Variants in PDS5B observed in about 807,000 individuals in gnomAD.
The protein encoded by PDS5B is PDS5 cohesin associated factor B.
In PDS5B, 51 loss-of-function variants were observed where a neutral mutation model predicts 184.1. The observed-to-expected ratio is 0.28, with a 90% CI of 0.22 to 0.35. The LOEUF is 0.35. Ranked by LOEUF, PDS5B falls within the 10% of genes least tolerant of loss-of-function variation. The probability of loss-of-function intolerance (pLI) is 1.00; values close to 1 mark genes in which losing one functional copy is unlikely to be tolerated. For missense variants in PDS5B, 1,180 were observed against 1,723.3 expected (o/e 0.68, Z 5.58); for synonymous variants, 566 against 569.2 (o/e 0.99, Z 0.08).
At chr13:32,617,036 C>T (rs1397958139) in intron 1 of PDS5B, among the ~76,000 whole-genome samples, 3 of 152,046 alleles carry the variant, frequency 2.0e-5, no homozygotes, top group Admixed American at 6.6e-5. Flanking sequence ...ACAGTCTTTG[C>T]GTAGAGAACT....
intron 18 of PDS5B, among the ~76,000 whole-genome samples, chr13:32,709,593 G>T (rs369384930): frequency 6.6e-6 from 1 of 152,068 alleles, no homozygotes. Context: ...TTATTGAGAA[G>T]ATGAGAGATG....
intron 1 of PDS5B, among the ~76,000 whole-genome samples, chr13:32,648,129 C>T (rs771635917): frequency 1.3e-5 from 2 of 152,198 alleles, no homozygotes; most frequent in Non-Finnish European, 2.9e-5. Flanking sequence ...GCAGCCTTCT[C>T]AGCGGTTCCC....
intron 8 of PDS5B, 145 bp downstream of exon 8, chr13:32,673,501 G>T (rs998417712): frequency 2.9e-6 from 2 of 681,126 alleles, no homozygotes; most frequent in East Asian, 2.9e-5. Context: ...TATTTGTGCC[G>T]TGTCTGTTTG....
chr13:32,628,280 G>A (rs528298962), intron 1 of PDS5B, among the ~76,000 whole-genome samples: 3 of 152,158 alleles, frequency 2.0e-5, no homozygotes, highest in East Asian at 3.9e-4. Flanking sequence ...TTTTGGGCTA[G>A]GTGTGGTGAC....
At chr13:32,735,132 T>A in intron 20 of PDS5B, 40 bp from the exon 21 acceptor site, 2 of 1,267,554 alleles carry the variant, frequency 1.6e-6, no homozygotes, top group Non-Finnish European at 2.2e-6. Context: ...TATTTGTATA[T>A]GTGTAGAGTT....
intron 1 of PDS5B, among the ~76,000 whole-genome samples, chr13:32,630,630 A>G (rs369648421): frequency 1.3e-5 from 2 of 152,308 alleles, no homozygotes; most frequent in African/African-American, 4.8e-5. Context: ...GGTAGTAGAT[A>G]GTGCAAGGTT....
chr13:32,596,962 G>C (rs886192084), intron 1 of PDS5B, among the ~76,000 whole-genome samples: 1 of 151,930 alleles, frequency 6.6e-6, no homozygotes, highest in Non-Finnish European at 1.5e-5. Flanking sequence ...ACAGTATTTT[G>C]ATGAGTGGAA....
At chr13:32,615,600 C>T (rs1263444128) in intron 1 of PDS5B, among the ~76,000 whole-genome samples, 2 of 151,896 alleles carry the variant, frequency 1.3e-5, no homozygotes, top group Non-Finnish European at 2.9e-5. Flanking sequence ...AAGTCTGTAC[C>T]CTTTAGAGAC....
At chr13:32,676,872 A>G (rs1951078944) in intron 9 of PDS5B, among the ~76,000 whole-genome samples, 1 of 140,956 alleles carries the variant, frequency 7.1e-6, no homozygotes, top group Non-Finnish European at 1.5e-5. Context: ...TGGAGCTTGC[A>G]GTGAGCTGAG....
At chr13:32,683,006 C>G (rs1352136368) in intron 10 of PDS5B, among the ~76,000 whole-genome samples, 2 of 151,784 alleles carry the variant, frequency 1.3e-5, no homozygotes, top group East Asian at 1.9e-4. Context: ...TTATTTGTCC[C>G]TTTTAAAAAA....
chr13:32,609,324 T>TA, intron 1 of PDS5B, among the ~76,000 whole-genome samples: 1 of 152,324 alleles, frequency 6.6e-6, no homozygotes, highest in South Asian at 2.1e-4. Context: ...GAGAAAAGAA[T>TA]AAATTGGTTA....
intron 13 of PDS5B, 137 bp downstream of exon 13, chr13:32,688,706 T>A (rs750118409): frequency 1.5e-5 from 9 of 620,092 alleles, no homozygotes; most frequent in Non-Finnish European, 2.9e-6. Flanking sequence ...TATGTCGTAG[T>A]ACTTGGCTAT....
rs894581779 is a variant in PDS5B, at chr13:32,777,182, T to G, written c.*2130T>G. The stretch of plus-strand genomic sequence containing the variant: ...TTGTGAAGGATTTTTATTTGCATGA[T>G]TATAGTTAAGCAAATTTCATTTCAC... On this transcript the variant is annotated 3_prime_UTR_variant, in exon 35 of 35. Coordinates refer to ENST00000315596, the MANE Select transcript of PDS5B (RefSeq NM_015032.4). 1 of 152,020 alleles carries G rather than the reference T, an allele frequency of 6.6e-6. No individual in the cohort carries two copies. The highest frequency in any genetic ancestry group is 1.5e-5 in the Non-Finnish European group (1 of 67,880). The allele number at this position is 152,020 out of a possible 1,614,324, so 9.4% of individuals were successfully genotyped here.
At chr13:32,639,464 C>T (rs964857360) in intron 1 of PDS5B, among the ~76,000 whole-genome samples, 1 of 152,024 alleles carries the variant, frequency 6.6e-6, no homozygotes, top group African/African-American at 2.4e-5. Flanking sequence ...ATTCAAACTG[C>T]ATGGTAGATT....
chr13:32,615,903 T>C (rs2058211013), intron 1 of PDS5B, among the ~76,000 whole-genome samples: 1 of 152,162 alleles, frequency 6.6e-6, no homozygotes, highest in African/African-American at 2.4e-5. Context: ...CAGAGTAGAC[T>C]TTTGTTTTCA....
At chr13:32,774,923 A>G in intron 34 of PDS5B, 94 bp from the exon 35 acceptor site, 1 of 1,176,612 alleles carries the variant, frequency 8.5e-7, no homozygotes, top group Non-Finnish European at 1.3e-6. Flanking sequence ...AAAATCAGGA[A>G]CAAATGAGAA....
chr13:32,594,714 C>T (rs1593230547), intron 1 of PDS5B, among the ~76,000 whole-genome samples: 2 of 152,236 alleles, frequency 1.3e-5, no homozygotes, highest in Admixed American at 1.3e-4. Flanking sequence ...TTTTTGTACC[C>T]TCATGCTGCT....
intron 7 of PDS5B, among the ~76,000 whole-genome samples, chr13:32,672,895 A>G (rs1168669753): frequency 2.0e-5 from 3 of 152,198 alleles, no homozygotes; most frequent in African/African-American, 7.2e-5. Flanking sequence ...AGTCAAGTTG[A>G]CACATAAAAT....
chr13:32,620,808 T>C (rs926819522), intron 1 of PDS5B, among the ~76,000 whole-genome samples: 3 of 152,240 alleles, frequency 2.0e-5, no homozygotes, highest in African/African-American at 7.2e-5. Flanking sequence ...TTTATTGTTA[T>C]TTTTAACAAA....
Sources: gnomAD v4.1 joint callset for allele counts (sites outside exome capture counted in the v4.1 genomes callset) on GRCh38, gnomAD v4.1.1 for gene constraint, MANE v1.5 for transcripts, NCBI Gene and HGNC (gene_info 2026-07-23, HGNC 2026-07-21) for gene names.